The following RPAIN variants were observed in gnomAD, a reference collection of about 807,000 sequenced individuals.
RPAIN encodes the protein RPA-interacting protein.
A neutral mutation model predicts 30.5 loss-of-function variants in RPAIN; 29 were observed. The ratio of observed to expected loss-of-function variants is 0.95; its 90% CI spans 0.71 to 1.30. The LOEUF (loss-of-function observed/expected upper bound fraction) is 1.30. RPAIN is among the 50% of genes most tolerant of loss of function. RPAIN has a pLI of 0.00. For synonymous variants in RPAIN, 101 were observed against 93.5 expected (o/e 1.08, Z -0.46); for missense variants, 247 against 264.7 (o/e 0.93, Z 0.46).
intron 3 of RPAIN, among the ~76,000 whole-genome samples, chr17:5,423,824 C>T (rs896824983): frequency 3.9e-5 from 6 of 152,076 alleles, no homozygotes; most frequent in African/African-American, 1.2e-4. Flanking sequence ...GTGATCACGG[C>T]CCACTGCAGC....
In RPAIN at chr17:5,432,027, A is replaced by G. The variant is rs149813330; in HGVS notation, c.631-515A>G. 3.9e-3 allele frequency: 939 copies of G among 239,332 alleles called. 7 individuals carry two copies. The highest frequency in any genetic ancestry group is 0.02 in the African/African-American group (882 of 43,556). The allele number at this position is 239,332 out of a possible 1,614,324, so 14.8% of individuals were successfully genotyped here. ...TTAAGGACAGACTGGATTCCTTAGCATAGTGGAGAGGCTGAGCCACCCAGG... is the reference window on the plus strand; with the variant it reads ...TTAAGGACAGACTGGATTCCTTAGCGTAGTGGAGAGGCTGAGCCACCCAGG... On this transcript the variant is annotated intron_variant, in intron 6 of 6. Coordinates refer to ENST00000381209, the MANE Select transcript of RPAIN (RefSeq NM_001033002.4).
intron 3 of RPAIN, chr17:5,423,184 T>C: frequency 5.6e-6 from 1 of 177,434 alleles, no homozygotes; most frequent in Non-Finnish European, 1.2e-5. Flanking sequence ...CCAGTTCCCA[T>C]GTTTCTTCTA....
chr17:5,426,301 T>TG lies in RPAIN; in HGVS notation c.489+3dup, dbSNP rs776154413. On this transcript the variant is annotated splice_region_variant and intron_variant, in intron 5 of 6. Transcript: ENST00000381209. The stretch of plus-strand genomic sequence containing the variant: ...TGTGGCCTGTCCATCCCATCTCATG[T>TG]GAGTGTTCCACACACAGATTTCATG... 3.1e-6 allele frequency: 5 copies of TG among 1,612,646 alleles called. No individual in the cohort carries two copies. Among genetic ancestry groups the TG allele is most frequent in the Non-Finnish European group, 4.2e-6 (5 of 1,178,574 alleles).
At chr17:5,422,905 A>C in intron 3 of RPAIN, 76 bp downstream of exon 3, 1 of 1,178,384 alleles carries the variant, frequency 8.5e-7, no homozygotes. Context: ...AATCAGGATT[A>C]GTTTATAAGT....
chr17:5,432,398 GAC>G (rs1401456793), intron 6 of RPAIN, 142 bp from the exon 7 acceptor site: 2 of 742,558 alleles, frequency 2.7e-6, no homozygotes, highest in African/African-American at 3.5e-5. Context: ...CGGTCATCAT[GAC>G]AAACTACACT....
rs1916094735 is a variant in RPAIN at position 5,432,616 on chromosome 17, A to G, written c.*45A>G. 1.9e-6 allele frequency: 3 copies of G among 1,571,270 alleles called. No individual in the cohort carries two copies. The highest frequency in any genetic ancestry group is 2.7e-5 in the African/African-American group (2 of 73,954). On this transcript the variant is annotated 3_prime_UTR_variant, in exon 7 of 7. Coordinates refer to ENST00000381209, the MANE Select transcript of RPAIN (RefSeq NM_001033002.4). ...CATTCTATGGGGTTGAAGACAACTC[A>G]TTCCCTCTGAGGAGCCTTGTACATA...
intron 6 of RPAIN, 185 bp from the exon 7 acceptor site, chr17:5,432,357 A>G: frequency 1.7e-6 from 1 of 594,158 alleles, no homozygotes; most frequent in South Asian, 2.1e-5. Context: ...TGAAGGCTGC[A>G]GGACAGAGGT....
intron 3 of RPAIN, 81 bp from the exon 4 acceptor site, chr17:5,425,890 A>G (rs894315576): frequency 9.5e-6 from 8 of 843,672 alleles, no homozygotes; most frequent in Middle Eastern, 2.6e-4. Flanking sequence ...GTGTGAAGGA[A>G]GCCTTTGACA....
chr17:5,428,145 C>G lies in RPAIN; in HGVS notation c.564C>G (p.Pro188=). The change falls in exon 6 of 7, where the codon CCC becomes CCG. Residue 188 remains proline, a synonymous_variant. Coordinates refer to ENST00000381209, the MANE Select transcript of RPAIN (RefSeq NM_001033002.4). ...TAAATGAGCACAGTGCACATTGTCC[C>G]CACACACCTGAATTTTCAGTCACTG... The part of the protein sequence containing the change: ...GSINEHSAHC[P]HTPEFSVTGG... 1 of 1,614,094 alleles carries G rather than the reference C, an allele frequency of 6.2e-7. No individual in the cohort carries two copies. Among genetic ancestry groups the G allele is most frequent in the African/African-American group, 1.3e-5 (1 of 75,018 alleles).
In RPAIN at chr17:5,420,292, G is replaced by A. The variant is rs1567583158; in HGVS notation, c.81+1G>A. The A allele has an allele frequency of 6.2e-7, 1 of 1,613,398 alleles. No individual in the cohort carries two copies. ...GCCTTGGAAAGAGGCTTTCCGGCAG[G>A]TGGGTATGGGGTTTGTGCAGTGGTC... On this transcript the variant is annotated splice_donor_variant, in intron 1 of 6. Coordinates refer to ENST00000381209, the MANE Select transcript of RPAIN (RefSeq NM_001033002.4). LOFTEE classifies it high-confidence loss of function.
In RPAIN at chr17:5,422,780, G is replaced by C. The variant is rs748539645; in HGVS notation, c.264G>C (p.Leu88=). 6.2e-7 allele frequency: 1 copy of C among 1,613,342 alleles called. No individual in the cohort carries two copies. The highest frequency in any genetic ancestry group is 2.2e-5 in the East Asian group (1 of 44,850). Residue 88 remains leucine, a synonymous_variant, in exon 3 of 7, where the codon CTG becomes CTC. Transcript: ENST00000381209. The part of the protein sequence containing the change: ...CPEDLAQLEE[L]IDMAVLEEIQ... ...CCTTTCTCTTCCAGCTGGAGGAGCT[G>C]ATAGACATGGCTGTGCTGGAGGAAA...
chr17:5,425,202 CT>C, intron 3 of RPAIN: 1 of 406,870 alleles, frequency 2.5e-6, no homozygotes, highest in Non-Finnish European at 4.8e-6. Context: ...TCTTTTTCAT[CT>C]TTGTGCCCCT....
At chr17:5,422,741 C>A (rs760366974) in intron 2 of RPAIN, 28 bp from the exon 3 acceptor site, 1 of 1,609,608 alleles carries the variant, frequency 6.2e-7, no homozygotes, top group Admixed American at 1.7e-5. Context: ...ATACTTCAAA[C>A]TTCTGATGCC....
intron 3 of RPAIN, chr17:5,425,096 G>A (rs775336422): frequency 1.3e-5 from 4 of 301,568 alleles, no homozygotes; most frequent in Non-Finnish European, 2.6e-5. Context: ...CAGTTCTAGT[G>A]GAAAAGCAGT....
At chr17:5,428,260 G>C in intron 6 of RPAIN, 49 bp downstream of exon 6, 1 of 1,613,736 alleles carries the variant, frequency 6.2e-7, no homozygotes, top group East Asian at 2.2e-5. Flanking sequence ...CCTGTGGTTG[G>C]TTTTATTCCC....
chr17:5,421,259 T>C lies in RPAIN; in HGVS notation c.82-37T>C. 1.3e-6 allele frequency: 2 copies of C among 1,497,738 alleles called. 1 individual carries two copies. Among genetic ancestry groups the C allele is most frequent in the South Asian group, 2.5e-5 (2 of 80,190 alleles). The allele number at this position is 1,497,738 out of a possible 1,614,324, so 92.8% of individuals were successfully genotyped here. A position where few individuals can be genotyped will look rare whatever the true frequency, so the allele number is the denominator to read the frequency against. On this transcript the variant is annotated intron_variant, in intron 1 of 6. Coordinates refer to ENST00000381209, the MANE Select transcript of RPAIN (RefSeq NM_001033002.4). ...GAGTGTTTTTTAAAAATAGAAATGC[T>C]TTTTTTTTCCCCCCCAATCTTGCTC...
chr17:5,420,343 C>CTA, intron 1 of RPAIN, 52 bp downstream of exon 1: 1 of 1,505,522 alleles, frequency 6.6e-7, no homozygotes, highest in Non-Finnish European at 9.2e-7. Context: ...CGGTGACCGC[C>CTA]GTCTTCCCTG....
rs943404060 is a variant in RPAIN at position 5,426,257 on chromosome 17, C to T, written c.447C>T (p.Ser149=). ...VCTKYNLRIT[S]GVVVCQCGLS... is the part of the protein sequence containing the mutation. ...CTAGGTACAACCTGAGAATCACAAG[C>T]GGTGTGGTGGTGTGTCAGTGTGGCC... The change falls in exon 5 of 7, where the codon AGC becomes AGT. Residue 149 remains serine (S), a synonymous_variant. Transcript: ENST00000381209. 13 of 1,613,988 alleles carry T rather than the reference C, an allele frequency of 8.1e-6. No homozygotes were observed. Among genetic ancestry groups the T allele is most frequent in the African/African-American group, 4.0e-5 (3 of 74,928 alleles).
chr17:5,425,576 TCTGC>T (rs1348537379), intron 3 of RPAIN: 1 of 350,198 alleles, frequency 2.9e-6, no homozygotes, highest in Non-Finnish European at 5.6e-6. Context: ...CCTCGAGTGA[TCTGC>T]CTGCCTCAGC....
Sources: allele counts gnomAD v4.1 joint callset (sites outside exome capture counted in the v4.1 genomes callset), GRCh38; gene constraint gnomAD v4.1.1; transcripts MANE v1.5; gene names NCBI Gene and HGNC (gene_info 2026-07-23, HGNC 2026-07-21).